The following LRRFIP1 variants were observed in gnomAD, a reference collection of about 807,000 sequenced individuals.
LRRFIP1 encodes the protein leucine-rich repeat flightless-interacting protein 1.
In LRRFIP1, 62 loss-of-function variants were observed where a neutral mutation model predicts 104.4. The ratio of observed to expected loss-of-function variants is 0.59; its 90% confidence interval spans 0.48 to 0.73. The LOEUF (loss-of-function observed/expected upper bound fraction) is 0.73. Ranked by LOEUF, LRRFIP1 falls within the 30% of genes least tolerant of loss-of-function variation. The probability of loss-of-function intolerance (pLI) is 0.00; values close to 1 mark genes in which losing one functional copy is unlikely to be tolerated. For missense variants in LRRFIP1, 796 were observed against 824.5 expected (o/e 0.97, Z 0.42); for synonymous variants, 300 against 299.0 (o/e 1.00, Z -0.03).
intron 5 of LRRFIP1, 95 bp from the exon 6 acceptor site, chr2:237,720,677 G>T (rs2094506053): frequency 2.7e-6 from 3 of 1,101,374 alleles, no homozygotes; most frequent in Non-Finnish European, 2.8e-6. Flanking sequence ...TGTGGGTTGG[G>T]GTCAGTTCCC....
At chr2:237,770,052 A>G in intron 20 of LRRFIP1, 60 bp downstream of exon 20, 1 of 1,364,518 alleles carries the variant, frequency 7.3e-7, no homozygotes, top group Non-Finnish European at 1.0e-6. Flanking sequence ...CCACCTGCCC[A>G]TCCTTCCTTC....
intron 11 of LRRFIP1, among the ~76,000 whole-genome samples, chr2:237,742,318 C>A (rs960564552): frequency 1.3e-5 from 2 of 152,134 alleles, no homozygotes; most frequent in South Asian, 2.1e-4. Context: ...CTGGTTGGCA[C>A]GCTTAGGGAA....
Position 237,649,793 on chromosome 2 carries a change from G to A in LRRFIP1, c.96+22053G>A, listed in dbSNP as rs146444148. On this transcript the variant is annotated intron_variant, in intron 1 of 23. Coordinates refer to ENST00000308482, the MANE Select transcript of LRRFIP1 (RefSeq NM_001137550.2). This position sits in a 1 kb window ranked among gnomAD's most constrained non-coding sequence, Gnocchi z 4.1. ...TCACCAGTCCTTGGTCATGCCACCC[G>A]GGCTGAGTTCATTTACCTGCTCATT... Among the ~76,000 whole-genome samples the A allele has an allele frequency of 2.4e-3, 364 of 151,976 alleles. 4 individuals carry two copies. Among genetic ancestry groups the A allele is most frequent in the African/African-American group, 8.4e-3 (350 of 41,520 alleles).
chr2:237,706,960 A>G (rs905903664), intron 1 of LRRFIP1, among the ~76,000 whole-genome samples: 1 of 152,162 alleles, frequency 6.6e-6, no homozygotes. Context: ...ACCATGTAAT[A>G]TGGTCTTGGA....
At chr2:237,720,277 T>C (rs2094493583) in intron 5 of LRRFIP1, among the ~76,000 whole-genome samples, 1 of 149,658 alleles carries the variant, frequency 6.7e-6, no homozygotes, top group Non-Finnish European at 1.5e-5. Flanking sequence ...AGATGGTGTC[T>C]TGCTCTATTG....
rs557928304 is a variant in LRRFIP1 at position 237,661,816 on chromosome 2, G to A, written c.96+34076G>A. On this transcript the variant is annotated intron_variant, in intron 1 of 23. Transcript: ENST00000308482. The surrounding 1 kb of genome is among the most constrained non-coding windows in gnomAD (Gnocchi z 4.4). ...CAATCCGCTGTAGTTCTGTGGCCCA[G>A]CTGAGTGGCATAGGCTCTCCTGACC... 1.3e-5 allele frequency among the ~76,000 whole-genome samples: 2 copies of A among 152,294 alleles called. No individual in the cohort carries two copies. Among genetic ancestry groups the A allele is most frequent in the African/African-American group, 4.8e-5 (2 of 41,564 alleles).
At chr2:237,692,516 A>G in intron 1 of LRRFIP1, 1 of 1,526,988 alleles carries the variant, frequency 6.5e-7, no homozygotes, top group Non-Finnish European at 8.8e-7. Context: ...GGAAGCGCAG[A>G]AGCTGGTAAG....
At chr2:237,673,358 G>C (rs1042899852) in intron 1 of LRRFIP1, among the ~76,000 whole-genome samples, 1 of 152,282 alleles carries the variant, frequency 6.6e-6, no homozygotes, top group Non-Finnish European at 1.5e-5. Context: ...CGCCCGGGGG[G>C]AGTCTGGACG....
At chr2:237,732,731 C>A (rs2095064551) in intron 8 of LRRFIP1, among the ~76,000 whole-genome samples, 1 of 152,188 alleles carries the variant, frequency 6.6e-6, no homozygotes, top group Non-Finnish European at 1.5e-5. Context: ...AATTGTTCCC[C>A]ATTTGGGGTT....
At chr2:237,676,587 C>A (rs1207394401) in intron 1 of LRRFIP1, among the ~76,000 whole-genome samples, 1 of 152,154 alleles carries the variant, frequency 6.6e-6, no homozygotes, top group African/African-American at 2.4e-5. Flanking sequence ...CTCATTGCAA[C>A]CTCCGCCTCT....
At chr2:237,632,732 T>C (rs1413798997) in intron 1 of LRRFIP1, among the ~76,000 whole-genome samples, 1 of 152,058 alleles carries the variant, frequency 6.6e-6, no homozygotes, top group Non-Finnish European at 1.5e-5. Context: ...TGTGGAAACT[T>C]CGCTCTACCT....
intron 19 of LRRFIP1, 25 bp downstream of exon 19, chr2:237,760,230 CCT>C (rs766764835): frequency 1.9e-6 from 3 of 1,612,384 alleles, no homozygotes; most frequent in Non-Finnish European, 2.5e-6. Flanking sequence ...TCCTTCGGCT[CCT>C]CACACCTTTC....
intron 1 of LRRFIP1, among the ~76,000 whole-genome samples, chr2:237,632,107 C>T (rs919401311): frequency 9.9e-5 from 15 of 150,962 alleles, no homozygotes; most frequent in Non-Finnish European, 1.5e-4. Flanking sequence ...ACACAGGAGT[C>T]CAGTTGCGGA....
rs1435522936 is a variant in LRRFIP1, at chr2:237,772,885, C to G, written c.1647C>G (p.Ile549Met). The part of the protein sequence containing the change: ...MDLQRDANRQ[I>M]SDLKFKLAKS... Reference sequence around the variant, plus strand: ...CTTTAGGGGATGCCAACAGACAGATCAGCGACCTCAAATTTAAACTTGCAA... The same window carrying G: ...CTTTAGGGGATGCCAACAGACAGATGAGCGACCTCAAATTTAAACTTGCAA... The change falls in exon 22 of 24, where the codon ATC (isoleucine) becomes ATG (methionine). Residue 549 changes from isoleucine (I) to methionine (M), a missense_variant. By Grantham distance (10) the Ile-to-Met change is conservative (BLOSUM62 1). Transcript: ENST00000308482. 6.2e-7 allele frequency: 1 copy of G among 1,613,714 alleles called. No homozygotes were observed. The highest frequency in any genetic ancestry group is 8.5e-7 in the Non-Finnish European group (1 of 1,179,610).
intron 20 of LRRFIP1, among the ~76,000 whole-genome samples, chr2:237,771,115 G>A (rs2150918501): frequency 6.6e-6 from 1 of 152,136 alleles, no homozygotes; most frequent in South Asian, 2.1e-4. Flanking sequence ...AGGAAGGCAG[G>A]TGATCACCTG....
At chr2:237,741,878 A>G (rs1274314607) in intron 11 of LRRFIP1, among the ~76,000 whole-genome samples, 1 of 152,178 alleles carries the variant, frequency 6.6e-6, no homozygotes, top group Non-Finnish European at 1.5e-5. Context: ...ATAAGTATTT[A>G]CAATTGACAG....
At chr2:237,737,043 GGTCCAGGCTTCCCCCAGGC>G (rs2095271920) in intron 10 of LRRFIP1, among the ~76,000 whole-genome samples, 1 of 152,150 alleles carries the variant, frequency 6.6e-6, no homozygotes, top group Admixed American at 6.5e-5. Flanking sequence ...GTGACCTCAG[GGTCCAGGCTTCCCCCAGGC>G]CTGCACAGAC....
chr2:237,741,405 T>C (rs2095410567), intron 11 of LRRFIP1, among the ~76,000 whole-genome samples: 1 of 152,256 alleles, frequency 6.6e-6, no homozygotes, highest in Non-Finnish European at 1.5e-5. Context: ...TATTATCTCA[T>C]ACTCTATAGT....
At chr2:237,733,964 G>A (rs1167061279) in intron 9 of LRRFIP1, 146 bp downstream of exon 9, 2 of 817,638 alleles carry the variant, frequency 2.4e-6, no homozygotes, top group African/African-American at 3.4e-5. Context: ...TGCCAGTGGG[G>A]AATGTCTGTC....
Sources: gnomAD v4.1 joint callset for allele counts (sites outside exome capture counted in the v4.1 genomes callset) on GRCh38, gnomAD v4.1.1 for gene constraint, Gnocchi (gnomAD v3.1) non-coding constraint, MANE v1.5 for transcripts, NCBI Gene and HGNC (gene_info 2026-07-23, HGNC 2026-07-21) for gene names.